The following BPIFC variants were observed in gnomAD, a reference collection of about 807,000 sequenced individuals.
BPIFC encodes BPI fold-containing family C protein.
A neutral mutation model predicts 57.6 loss-of-function variants in BPIFC; 60 were observed. The observed-to-expected ratio is 1.04, with a 90% CI of 0.85 to 1.29. The LOEUF (loss-of-function observed/expected upper bound fraction) is 1.29. BPIFC is among the 50% of genes most tolerant of loss of function. The pLI is 0.00. For missense variants in BPIFC, 581 were observed against 600.5 expected (o/e 0.97, Z 0.34); for synonymous variants, 243 against 224.5 (o/e 1.08, Z -0.74).
In BPIFC at chr22:32,447,216, G is replaced by C; in HGVS notation, c.370C>G (p.Leu124Val). 6.3e-7 allele frequency: 1 copy of C among 1,599,428 alleles called. No individual in the cohort carries two copies. Among genetic ancestry groups the C allele is most frequent in the South Asian group, 1.1e-5 (1 of 88,622 alleles). The change falls in exon 5 of 17, where the codon CTT becomes GTT. Residue 124 changes from leucine to valine, a missense_variant. By Grantham distance (32) the Leu-to-Val change is conservative. Transcript: ENST00000300399. ...ACATTTCAGTGGAATACTCACAAAA[G>C]TGGAGACTCGAACCCCCAGTCTGTG... ...ISTDWGFESPLFQDTGGADLF... is the reference protein window; with the variant it reads ...ISTDWGFESPVFQDTGGADLF...
intron 7 of BPIFC, 97 bp from the exon 8 acceptor site, chr22:32,442,828 T>C: frequency 4.5e-6 from 5 of 1,109,622 alleles, no homozygotes; most frequent in Non-Finnish European, 6.6e-6. Flanking sequence ...GGCCTTCTGG[T>C]TAGCAGTCAT....
rs964610039 is a variant in BPIFC at position 32,459,833 on chromosome 22, G to A, written c.-1+1741C>T. On this transcript the variant is annotated intron_variant, in intron 2 of 16. Transcript: ENST00000300399. Reference sequence around the variant, plus strand: ...GCCACTGCACTCCAGCTTGGGCAACGGAGCAAGATCCTGTCTCAAAATAAA... The same window carrying A: ...GCCACTGCACTCCAGCTTGGGCAACAGAGCAAGATCCTGTCTCAAAATAAA... 3.4e-4 allele frequency among the ~76,000 whole-genome samples: 52 copies of A among 150,938 alleles called. 1 individual carries two copies. The highest frequency in any genetic ancestry group is 1.2e-3 in the African/African-American group (47 of 40,732).
intron 10 of BPIFC, among the ~76,000 whole-genome samples, chr22:32,435,317 A>G (rs560347664): frequency 6.6e-6 from 1 of 152,222 alleles, no homozygotes; most frequent in Non-Finnish European, 1.5e-5. Flanking sequence ...GAACATTCCT[A>G]ATCTGAATAT....
At chr22:32,462,621 C>T (rs1233413981) in intron 1 of BPIFC, among the ~76,000 whole-genome samples, 2 of 152,148 alleles carry the variant, frequency 1.3e-5, no homozygotes, top group African/African-American at 4.8e-5. Flanking sequence ...ATTTTAGACA[C>T]GTGGACATGG....
At chr22:32,434,491 T>G (rs1445227759) in intron 10 of BPIFC, among the ~76,000 whole-genome samples, 1 of 150,412 alleles carries the variant, frequency 6.6e-6, no homozygotes, top group Non-Finnish European at 1.5e-5. Flanking sequence ...TTATATATAT[T>G]ACAATCTATA....
chr22:32,430,333 T>C (rs1203170436), intron 13 of BPIFC, among the ~76,000 whole-genome samples: 4 of 152,126 alleles, frequency 2.6e-5, no homozygotes, highest in African/African-American at 7.2e-5. Context: ...GGAAACTTGG[T>C]TCCTTAACTC....
rs61507713 is a variant in BPIFC at position 32,445,713 on chromosome 22, GAA to G, written c.531-17_531-16del. 6,120 of 707,696 alleles carry G rather than the reference GAA, an allele frequency of 8.6e-3. 1 individual carries two copies. Among genetic ancestry groups the G allele is most frequent in the South Asian group, 0.024 (969 of 40,362 alleles). The allele number at this position is 707,696 out of a possible 1,614,324, so 43.8% of individuals were successfully genotyped here. A position where few individuals can be genotyped will look rare whatever the true frequency, so the allele number is the denominator to read the frequency against. On this transcript the variant is annotated splice_polypyrimidine_tract_variant and intron_variant, in intron 6 of 16. Transcript: ENST00000300399. Reference sequence around the variant, plus strand: ...TATACAGAACACTGAGGAAAAAAATGAAAAAAAAAAAAAAAAAAAAAAGAGGT... The same window carrying G: ...TATACAGAACACTGAGGAAAAAAATGAAAAAAAAAAAAAAAAAAAAGAGGT...
intron 13 of BPIFC, among the ~76,000 whole-genome samples, chr22:32,429,521 T>G (rs111517125): frequency 0.12 from 12,339 of 105,908 alleles, 981 homozygotes; most frequent in African/African-American, 0.22. Flanking sequence ...TTTTTTTTTT[T>G]TTTTTTTTTT....
At chr22:32,445,361 C>A (rs1488945464) in intron 7 of BPIFC, among the ~76,000 whole-genome samples, 1 of 152,092 alleles carries the variant, frequency 6.6e-6, no homozygotes, top group Non-Finnish European at 1.5e-5. Context: ...CACAGTGAAA[C>A]CCCGTCTCTA....
intron 4 of BPIFC, among the ~76,000 whole-genome samples, chr22:32,451,595 T>A (rs1385223131): frequency 6.6e-6 from 1 of 152,070 alleles, no homozygotes; most frequent in Non-Finnish European, 1.5e-5. Context: ...ATACCTAATG[T>A]AAACGACGAG....
At chr22:32,420,013 G>A (rs1178076507) in intron 13 of BPIFC, among the ~76,000 whole-genome samples, 2 of 151,674 alleles carry the variant, frequency 1.3e-5, no homozygotes, top group African/African-American at 4.8e-5. Context: ...TTGGAATGTA[G>A]AACAATCTTA....
At chr22:32,427,864 G>A (rs1483856724) in intron 13 of BPIFC, among the ~76,000 whole-genome samples, 1 of 152,214 alleles carries the variant, frequency 6.6e-6, no homozygotes, top group Non-Finnish European at 1.5e-5. Context: ...GCGTGCGCCT[G>A]TAGTCCCACC....
intron 14 of BPIFC, among the ~76,000 whole-genome samples, chr22:32,417,925 A>G (rs927328388): frequency 1.3e-5 from 2 of 151,844 alleles, no homozygotes; most frequent in Non-Finnish European, 2.9e-5. Flanking sequence ...GCTGGAGTGC[A>G]GTGGGTATGT....
chr22:32,428,264 TGTGTGC>T (rs370679495), intron 13 of BPIFC, among the ~76,000 whole-genome samples: 146 of 102,098 alleles, frequency 1.4e-3, no homozygotes, highest in African/African-American at 2.8e-3. Context: ...TGTGTGTGTG[TGTGTGC>T]GCGCGCGTGT....
chr22:32,424,602 TCCTCCTCCTCCTCCTCCTCCTCC>T lies in BPIFC; in HGVS notation c.1218-5221_1218-5199del, dbSNP rs779380489. Among the ~76,000 whole-genome samples, 287 of 65,386 alleles carry T rather than the reference TCCTCCTCCTCCTCCTCCTCCTCC, an allele frequency of 4.4e-3. 13 individuals are homozygous for T. The highest frequency in any genetic ancestry group is 6.4e-3 in the Middle Eastern group (1 of 156). The allele number at this position is 65,386 out of a possible 152,430, so 42.9% of individuals were successfully genotyped here. A position where few individuals can be genotyped will look rare whatever the true frequency, so the allele number is the denominator to read the frequency against. On this transcript the variant is annotated intron_variant, in intron 13 of 16. Transcript: ENST00000300399. ...CTTCTTCTTCTTCTTCTTCTTCTTCTCCTCCTCCTCCTCCTCCTCCTCCTCCTCTTCTTCTTCTTCTCTTCTTC... is the reference window on the plus strand; with the variant it reads ...CTTCTTCTTCTTCTTCTTCTTCTTCTTCCTCTTCTTCTTCTTCTCTTCTTC...
At chr22:32,416,204 C>T (rs112436359) in intron 15 of BPIFC, among the ~76,000 whole-genome samples, 12,556 of 151,788 alleles carry the variant, frequency 0.083, 794 homozygotes, top group African/African-American at 0.16. Flanking sequence ...CTCAGCCTCC[C>T]GAGTAGCTGA....
At chr22:32,414,530 G>A in intron 16 of BPIFC, 105 bp from the exon 17 acceptor site, 3 of 1,390,650 alleles carry the variant, frequency 2.2e-6, no homozygotes, top group Non-Finnish European at 2.9e-6. Flanking sequence ...TTTTAATTTT[G>A]AGATGGAGTC....
chr22:32,440,610 T>C (rs542580561), intron 8 of BPIFC, among the ~76,000 whole-genome samples: 1 of 152,334 alleles, frequency 6.6e-6, no homozygotes, highest in Admixed American at 6.5e-5. Flanking sequence ...CTGATGATCC[T>C]GCTACAAACT....
At chr22:32,437,045 G>A (rs973902649) in intron 9 of BPIFC, among the ~76,000 whole-genome samples, 1 of 152,198 alleles carries the variant, frequency 6.6e-6, no homozygotes, top group Admixed American at 6.5e-5. Flanking sequence ...CCTGACAGAG[G>A]TCAGCAGCCC....
Sources: gnomAD v4.1 joint callset for allele counts (sites outside exome capture counted in the v4.1 genomes callset) on GRCh38, gnomAD v4.1.1 for gene constraint, MANE v1.5 for transcripts, NCBI Gene and HGNC (gene_info 2026-07-23, HGNC 2026-07-21) for gene names.